SORCS2: variants seen among roughly 807,000 people sequenced by gnomAD.
The protein encoded by SORCS2 is sortilin related VPS10 domain containing receptor 2.
SORCS2 carries 100 observed loss-of-function variants against 141.6 expected under a neutral mutation model. That is an observed-to-expected ratio of 0.71 (90% CI 0.60 to 0.83). The LOEUF (loss-of-function observed/expected upper bound fraction) is 0.83, where lower values mean the gene tolerates loss of function less well. SORCS2 is among the 40% of genes least tolerant of loss of function. The probability of loss-of-function intolerance (pLI) is 0.00; values close to 1 mark genes in which losing one functional copy is unlikely to be tolerated. For missense variants in SORCS2, 1,646 were observed against 1,560.2 expected, an observed-to-expected ratio of 1.05 and a Z score of -0.93; for synonymous variants, 789 against 676.9, an observed-to-expected ratio of 1.17 and a Z score of -2.57.
chr4:7,708,378 C>G (rs574639885), intron 14 of SORCS2, among the ~76,000 whole-genome samples: 1 of 152,318 alleles, frequency 6.6e-6, no homozygotes, highest in African/African-American at 2.4e-5. Context: ...AGCTGGGGTC[C>G]CGGGTGGGTG....
At chr4:7,549,971 C>T (rs753417032) in intron 3 of SORCS2, among the ~76,000 whole-genome samples, 5 of 152,210 alleles carry the variant, frequency 3.3e-5, no homozygotes, top group Admixed American at 1.3e-4. Flanking sequence ...TATTTGCTCC[C>T]GAGGACTGAA....
chr4:7,444,118 T>G (rs1727846200), intron 2 of SORCS2, among the ~76,000 whole-genome samples: 1 of 152,252 alleles, frequency 6.6e-6, no homozygotes. Context: ...AGCAAACACT[T>G]GTACCATGTT....
intron 1 of SORCS2, among the ~76,000 whole-genome samples, chr4:7,300,020 TG>T (rs982089863): frequency 6.6e-6 from 1 of 152,120 alleles, no homozygotes; most frequent in Non-Finnish European, 1.5e-5. Context: ...TCTTTGTCTT[TG>T]GGGGTTGATA....
At chr4:7,447,674 C>G (rs73212536) in intron 2 of SORCS2, among the ~76,000 whole-genome samples, 1 of 152,062 alleles carries the variant, frequency 6.6e-6, no homozygotes, top group Non-Finnish European at 1.5e-5. Context: ...CGGGGGTCCT[C>G]CAGGCTCAGC....
chr4:7,462,038 T>A (rs7675528), intron 2 of SORCS2, among the ~76,000 whole-genome samples: 82,908 of 152,104 alleles, frequency 0.55, 23,440 homozygotes, highest in African/African-American at 0.65. Context: ...TAAGGAATTA[T>A]TGGAACTGTC....
rs190644990 is a variant in SORCS2 at position 7,649,261 on chromosome 4, C to T, written c.814-4873C>T. ...AGAGGACCCTGTGCACATATTAGTG[C>T]CACATGTGTGAGTGAGCCCTGAGCC... On this transcript the variant is annotated intron_variant, in intron 4 of 26. Coordinates refer to ENST00000507866, the MANE Select transcript of SORCS2 (RefSeq NM_020777.3). 1.8e-3 allele frequency among the ~76,000 whole-genome samples: 279 copies of T among 151,616 alleles called. 1 individual carries two copies. The highest frequency in any genetic ancestry group is 6.3e-3 in the African/African-American group (262 of 41,358).
chr4:7,343,375 C>T lies in SORCS2; in HGVS notation c.481-52913C>T, dbSNP rs1030947505. 5.9e-5 allele frequency among the ~76,000 whole-genome samples: 9 copies of T among 152,194 alleles called. No homozygotes were observed. In the South Asian group the frequency reaches 6.2e-4, roughly 10 times the overall value. On this transcript the variant is annotated intron_variant, in intron 1 of 26. Transcript: ENST00000507866. ...CTCAGTGAGTGACACCGGGCAAAGC[C>T]GATGACATGTCTGAGCCTCAGCTTC...
intron 2 of SORCS2, among the ~76,000 whole-genome samples, chr4:7,509,275 A>G (rs1361955675): frequency 6.6e-6 from 1 of 152,126 alleles, no homozygotes; most frequent in Non-Finnish European, 1.5e-5. Flanking sequence ...CCTAGCAGGA[A>G]CTAGAATCAG....
intron 1 of SORCS2, among the ~76,000 whole-genome samples, chr4:7,302,574 C>T (rs4689102): frequency 0.21 from 32,108 of 152,152 alleles, 4,154 homozygotes; most frequent in Non-Finnish European, 0.3. Flanking sequence ...AGGGCCCTCC[C>T]TGTAGGCCCT....
chr4:7,357,201 T>G (rs891968772), intron 1 of SORCS2, among the ~76,000 whole-genome samples: 1 of 152,198 alleles, frequency 6.6e-6, no homozygotes, highest in Non-Finnish European at 1.5e-5. Context: ...GTGTCTCTGA[T>G]GCCTGCCCCG....
chr4:7,422,197 TTC>T (rs1469412651), intron 2 of SORCS2, among the ~76,000 whole-genome samples: 1 of 152,162 alleles, frequency 6.6e-6, no homozygotes, highest in African/African-American at 2.4e-5. Context: ...TCACCATCCA[TTC>T]TCTGACCTTC....
intron 6 of SORCS2, among the ~76,000 whole-genome samples, chr4:7,662,969 GGTGAGTGA>G (rs369693061): frequency 5.9e-5 from 9 of 152,170 alleles, no homozygotes; most frequent in South Asian, 4.2e-4. Context: ...TGAATGAATA[GGTGAGTGA>G]GTGAGTGAGT....
chr4:7,329,440 C>T (rs915406000), intron 1 of SORCS2, among the ~76,000 whole-genome samples: 2 of 152,136 alleles, frequency 1.3e-5, no homozygotes, highest in South Asian at 2.1e-4. Context: ...TTAGTGTCTG[C>T]GCTGATAGTC....
At chr4:7,548,479 G>A (rs569974460) in intron 3 of SORCS2, among the ~76,000 whole-genome samples, 3 of 152,314 alleles carry the variant, frequency 2.0e-5, no homozygotes, top group African/African-American at 4.8e-5. Flanking sequence ...CAGGCACTCT[G>A]TGGAGTGCTT....
At chr4:7,449,787 G>T (rs1728325227) in intron 2 of SORCS2, among the ~76,000 whole-genome samples, 1 of 152,014 alleles carries the variant, frequency 6.6e-6, no homozygotes, top group South Asian at 2.1e-4. Flanking sequence ...AGTGTTCCCG[G>T]AATCCAATGG....
At chr4:7,239,559 C>A (rs1373263535) in intron 1 of SORCS2, among the ~76,000 whole-genome samples, 1 of 152,216 alleles carries the variant, frequency 6.6e-6, no homozygotes, top group Admixed American at 6.5e-5. Flanking sequence ...TGACTGTGAG[C>A]CTGGGATCTG....
intron 1 of SORCS2, among the ~76,000 whole-genome samples, chr4:7,281,913 G>A (rs1715912008): frequency 6.6e-6 from 1 of 152,198 alleles, no homozygotes; most frequent in African/African-American, 2.4e-5. Flanking sequence ...CTCGTGACAT[G>A]GTGGCCATCT....
At chr4:7,250,393 C>T (rs750504414) in intron 1 of SORCS2, among the ~76,000 whole-genome samples, 4 of 152,228 alleles carry the variant, frequency 2.6e-5, no homozygotes, top group Admixed American at 6.5e-5. Context: ...TCCCCTTTAA[C>T]GGGAAACACG....
intron 26 of SORCS2, among the ~76,000 whole-genome samples, chr4:7,738,215 A>C (rs1392011431): frequency 1.3e-5 from 2 of 152,212 alleles, no homozygotes; most frequent in African/African-American, 4.8e-5. Flanking sequence ...GGAGGCTCTG[A>C]GACTTGCCAG....
Sources: gnomAD v4.1 joint callset for allele counts (sites outside exome capture counted in the v4.1 genomes callset) on GRCh38, gnomAD v4.1.1 for gene constraint, MANE v1.5 for transcripts, NCBI Gene and HGNC (gene_info 2026-07-23, HGNC 2026-07-21) for gene names.